Variants in MYH14 observed in about 807,000 individuals in gnomAD.
The protein encoded by MYH14 is myosin heavy chain 14, also known as myosin-14.
A neutral mutation model predicts 255.5 loss-of-function variants in MYH14; 123 were observed. The observed-to-expected ratio is 0.48, with a 90% CI of 0.42 to 0.56. The LOEUF (loss-of-function observed/expected upper bound fraction) is 0.56. Among genes scored for constraint, MYH14 ranks in the 20% least tolerant of loss-of-function variants. The pLI, the probability that MYH14 is intolerant of heterozygous loss-of-function variation, is 0.00. For synonymous variants in MYH14, 1,095 were observed against 1,161.2 expected (o/e 0.94, Z 1.16); for missense variants, 2,423 against 2,802.3 (o/e 0.86, Z 3.06).
At chr19:50,231,474 G>A (rs1411453681) in intron 9 of MYH14, among the ~76,000 whole-genome samples, 1 of 152,202 alleles carries the variant, frequency 6.6e-6, no homozygotes, top group Non-Finnish European at 1.5e-5. Context: ...TTGGGAGGGT[G>A]AGGCAGGAGG....
Position 50,281,786 on chromosome 19 carries a change from G to T in MYH14, c.4483G>T (p.Glu1495Ter). ...GCTGGACGACGCCACCATGGACCTGGAGCAGCAGCGGCAGCTTGTGAGCAC... is the reference window on the plus strand; with the variant it reads ...GCTGGACGACGCCACCATGGACCTGTAGCAGCAGCGGCAGCTTGTGAGCAC... Reference protein sequence around the residue: ...QELDDATMDLEQQRQLVSTLE... With the variant: ...QELDDATMDL Residue 1495 changes from glutamate to a stop codon, truncating the protein, a stop_gained, in exon 33 of 43, where the codon GAG becomes TAG. Coordinates refer to ENST00000642316, the MANE Select transcript of MYH14 (RefSeq NM_001145809.2). LOFTEE classifies it high-confidence loss of function. 1 of 1,612,730 alleles carries T rather than the reference G, an allele frequency of 6.2e-7. No homozygotes were observed. The highest frequency in any genetic ancestry group is 8.5e-7 in the Non-Finnish European group (1 of 1,179,764).
chr19:50,293,739 C>T lies in MYH14; in HGVS notation c.5469+52C>T, dbSNP rs1160394861. The T allele has an allele frequency of 7.3e-6, 11 of 1,500,452 alleles. No individual in the cohort carries two copies. The highest frequency in any genetic ancestry group is 3.6e-4 in the Middle Eastern group (2 of 5,508). The allele number at this position is 1,500,452 out of a possible 1,614,324, so 92.9% of individuals were successfully genotyped here. On this transcript the variant is annotated intron_variant, in intron 39 of 42. Coordinates refer to ENST00000642316, the MANE Select transcript of MYH14 (RefSeq NM_001145809.2). The surrounding 1 kb of genome is among the most constrained non-coding windows in gnomAD (Gnocchi z 4.1). ...GCCTCAGTCCCCATTGACCTGGGACCGTAACCTTCAGTCCTCTTATTCAAC... is the reference window on the plus strand; with the variant it reads ...GCCTCAGTCCCCATTGACCTGGGACTGTAACCTTCAGTCCTCTTATTCAAC...
At chr19:50,295,152 C>T (rs1201345291) in intron 39 of MYH14, among the ~76,000 whole-genome samples, 3 of 151,634 alleles carry the variant, frequency 2.0e-5, no homozygotes, top group South Asian at 2.1e-4. Flanking sequence ...AGTGAAACCC[C>T]GTCTCTACTA....
At chr19:50,267,932 G>C (rs1182054454) in intron 23 of MYH14, among the ~76,000 whole-genome samples, 1 of 152,030 alleles carries the variant, frequency 6.6e-6, no homozygotes, top group Admixed American at 6.6e-5. Context: ...ATGGCTGTGA[G>C]AGGTGAGGGA....
intron 34 of MYH14, among the ~76,000 whole-genome samples, chr19:50,288,811 C>G (rs552997752): frequency 3.3e-5 from 5 of 152,210 alleles, no homozygotes; most frequent in African/African-American, 1.2e-4. Context: ...CAGAGAGGCC[C>G]TGATGGGTTA....
chr19:50,279,463 G>A (rs1433993773), intron 30 of MYH14, among the ~76,000 whole-genome samples: 3 of 152,128 alleles, frequency 2.0e-5, no homozygotes, highest in South Asian at 2.1e-4. Flanking sequence ...GTGAAACTTC[G>A]TCTCTACTAA....
rs2035580792 is a variant in MYH14, at chr19:50,278,207, T to TA, written c.3951dup (p.Gln1318ThrfsTer11). On this transcript the variant is annotated frameshift_variant, in exon 30 of 43. Transcript: ENST00000642316. LOFTEE classifies it high-confidence loss of function. Reference sequence around the variant, plus strand: ...GAGCAGCGGAGGCGCCGCCTGGAGTTACAGCTGCAGGAGGTGCAGGGCCGG... The same window carrying TA: ...GAGCAGCGGAGGCGCCGCCTGGAGTTAACAGCTGCAGGAGGTGCAGGGCCGG... 6.2e-7 allele frequency: 1 copy of TA among 1,608,666 alleles called. No individual in the cohort carries two copies. The highest frequency in any genetic ancestry group is 1.1e-5 in the South Asian group (1 of 89,914).
chr19:50,209,551 G>T lies in MYH14; in HGVS notation c.-3-812G>T, dbSNP rs184856441. Among the ~76,000 whole-genome samples the T allele has an allele frequency of 2.7e-3, 413 of 152,228 alleles. 2 individuals are homozygous for T. The highest frequency in any genetic ancestry group is 9.2e-3 in the African/African-American group (382 of 41,534). On this transcript the variant is annotated intron_variant, in intron 1 of 42. Coordinates refer to ENST00000642316, the MANE Select transcript of MYH14 (RefSeq NM_001145809.2). ...TGTAATCCCAGCACTTTGGGAGGCC[G>T]AGGCGGGCAGATCACCAGGTCAGGG...
At chr19:50,274,144 A>G (rs1236592546) in intron 27 of MYH14, among the ~76,000 whole-genome samples, 1 of 152,172 alleles carries the variant, frequency 6.6e-6, no homozygotes, top group Non-Finnish European at 1.5e-5. Context: ...TAAATGCCGG[A>G]TGTTTCTGTT....
chr19:50,306,908 A>G, intron 40 of MYH14, 141 bp from the exon 41 acceptor site: 1 of 669,538 alleles, frequency 1.5e-6, no homozygotes, highest in South Asian at 1.6e-5. Flanking sequence ...TGGCCTCAGT[A>G]AACTGTGGGA....
intron 30 of MYH14, among the ~76,000 whole-genome samples, chr19:50,279,012 T>C (rs1004153212): frequency 2.0e-5 from 3 of 152,002 alleles, no homozygotes; most frequent in African/African-American, 7.3e-5. Flanking sequence ...AATAATTCAC[T>C]CATTTAAGAT....
chr19:50,242,812 G>A (rs1413854607), intron 10 of MYH14, among the ~76,000 whole-genome samples: 1 of 152,158 alleles, frequency 6.6e-6, no homozygotes, highest in Non-Finnish European at 1.5e-5. Flanking sequence ...TGCACACTCA[G>A]CTCACATCAG....
chr19:50,295,005 GTTTTTT>G lies in MYH14; in HGVS notation c.5469+1334_5469+1339del, dbSNP rs1195396880. Among the ~76,000 whole-genome samples, 440 of 143,088 alleles carry G rather than the reference GTTTTTT, an allele frequency of 3.1e-3. 10 individuals are homozygous for G. The highest frequency in any genetic ancestry group is 0.026 in the East Asian group (128 of 4,868). The allele number at this position is 143,088 out of a possible 152,430, so 93.9% of individuals were successfully genotyped here. A position where few individuals can be genotyped will look rare whatever the true frequency, so the allele number is the denominator to read the frequency against. ...ATAGTTGTCCTAGAGAAGAGATTAA[GTTTTTT>G]TTTTTTTTTTTTTTTAAAAACAGGC... is the stretch of plus-strand genomic sequence containing the variant. On this transcript the variant is annotated intron_variant, in intron 39 of 42. Transcript: ENST00000642316.
At chr19:50,257,278 C>T (rs751605924) in intron 17 of MYH14, 21 bp from the exon 18 acceptor site, 27 of 1,577,982 alleles carry the variant, frequency 1.7e-5, no homozygotes, top group African/African-American at 8.1e-5. Flanking sequence ...TTCTCTCTCT[C>T]TCTGCATCTC....
At chr19:50,292,653 G>C (rs2036124977) in intron 37 of MYH14, among the ~76,000 whole-genome samples, 1 of 152,122 alleles carries the variant, frequency 6.6e-6, no homozygotes, top group Non-Finnish European at 1.5e-5. Flanking sequence ...GCCAGCCTAA[G>C]AGCAGGGATT....
rs758354733 is a variant in MYH14 at position 50,281,828 on chromosome 19, C to A, written c.4525C>A (p.Arg1509Ser). ...QLVSTLEKKQ[R>S]KFDQLLAEEK... ...TGTGAGCACCCTGGAGAAGAAGCAG[C>A]GCAAGTTTGACCAGGTGGGGCACCT... Residue 1509 changes from arginine to serine, a missense_variant, in exon 33 of 43, where the codon CGC becomes AGC. By Grantham distance (110) the Arg-to-Ser change is moderately radical. This residue lies in a region of MYH14 where 1,513 missense variants were observed against 1,674.8 expected (regional missense o/e 0.90). Transcript: ENST00000642316. The A allele has an allele frequency of 6.2e-7, 1 of 1,611,352 alleles. No homozygotes were observed. Among genetic ancestry groups the A allele is most frequent in the Non-Finnish European group, 8.5e-7 (1 of 1,178,742 alleles).
At chr19:50,215,018 C>CGG (rs146996811) in intron 2 of MYH14, among the ~76,000 whole-genome samples, 56 of 152,056 alleles carry the variant, frequency 3.7e-4, no homozygotes, top group African/African-American at 9.9e-4. Flanking sequence ...CTGAGGGGAG[C>CGG]GGGGGGGCAG....
chr19:50,247,152 G>A, intron 12 of MYH14, 30 bp downstream of exon 12: 1 of 1,522,082 alleles, frequency 6.6e-7, no homozygotes, highest in East Asian at 2.3e-5. Context: ...GGCAGGCACA[G>A]AAAGAGCCGC....
intron 37 of MYH14, 55 bp downstream of exon 37, chr19:50,292,444 T>C (rs1179803633): frequency 8.1e-6 from 12 of 1,484,386 alleles, no homozygotes; most frequent in Non-Finnish European, 1.1e-5. Flanking sequence ...TGGGCAAGGC[T>C]AACCTTGAGG....
Sources: allele counts gnomAD v4.1 joint callset (sites outside exome capture counted in the v4.1 genomes callset), GRCh38; gene constraint gnomAD v4.1.1; regional missense constraint gnomAD v4.1.1; non-coding constraint Gnocchi (gnomAD v3.1); transcripts MANE v1.5; gene names NCBI Gene and HGNC (gene_info 2026-07-23, HGNC 2026-07-21).